Variants in ANKS1B observed in about 807,000 individuals in gnomAD.
The protein encoded by ANKS1B is ankyrin repeat and sterile alpha motif domain containing 1B.
Under a neutral mutation model 148.3 loss-of-function variants are expected in ANKS1B, and 36 were observed. That is an observed-to-expected ratio of 0.24 (90% CI 0.19 to 0.32). The LOEUF (loss-of-function observed/expected upper bound fraction) is 0.32. Ranked by LOEUF, ANKS1B falls within the 10% of genes least tolerant of loss-of-function variation. The pLI is 1.00. For synonymous variants in ANKS1B, 542 were observed against 560.8 expected (o/e 0.97, Z 0.47); for missense variants, 1,157 against 1,542.6 (o/e 0.75, Z 4.19).
intron 17 of ANKS1B, among the ~76,000 whole-genome samples, chr12:98,879,265 T>A (rs1162459319): frequency 1.3e-5 from 2 of 152,242 alleles, no homozygotes; most frequent in Non-Finnish European, 2.9e-5. Flanking sequence ...CAGAGGGCTA[T>A]CCATCTATGT....
intron 8 of ANKS1B, among the ~76,000 whole-genome samples, chr12:99,678,655 ATC>A (rs2098596287): frequency 2.6e-5 from 4 of 152,184 alleles, no homozygotes; most frequent in Non-Finnish European, 5.9e-5. Context: ...TTAAAAAAAA[ATC>A]TCTTTTTCTA....
At position 99,492,798 on chromosome 12, in the gene ANKS1B, A is replaced by C. The variant is rs540309974; in HGVS notation, c.1438+11678T>G. 2.0e-5 allele frequency among the ~76,000 whole-genome samples: 3 copies of C among 152,272 alleles called. No individual in the cohort carries two copies. The South Asian group carries it at 6.2e-4, about 32-fold the overall frequency. On this transcript the variant is annotated intron_variant, in intron 10 of 26. Transcript: ENST00000683438. The stretch of plus-strand genomic sequence containing the variant: ...ACATAAACAGAACTAAAGACAAAAA[A>C]CACATGATTATCTCAATAGATGCAG...
chr12:99,508,898 AT>A (rs1187473759), intron 9 of ANKS1B, among the ~76,000 whole-genome samples: 1 of 151,872 alleles, frequency 6.6e-6, no homozygotes, highest in East Asian at 1.9e-4. Flanking sequence ...AAAAATAAAG[AT>A]TTATGGCAAC....
downstream of ANKS1B, among the ~76,000 whole-genome samples, chr12:98,743,310 A>G (rs1232757403): frequency 6.6e-6 from 1 of 152,198 alleles, no homozygotes; most frequent in African/African-American, 2.4e-5. Context: ...TTATTAATGA[A>G]CTAACTAGGG....
At chr12:99,461,535 G>A (rs1282745106) in intron 10 of ANKS1B, among the ~76,000 whole-genome samples, 2 of 152,108 alleles carry the variant, frequency 1.3e-5, no homozygotes, top group Non-Finnish European at 2.9e-5. Context: ...GTAAATTCCA[G>A]TAGTATTCCT....
chr12:99,465,063 A>AG (rs1419213637), intron 10 of ANKS1B, among the ~76,000 whole-genome samples: 4 of 152,238 alleles, frequency 2.6e-5, no homozygotes, highest in African/African-American at 9.6e-5. Flanking sequence ...TTACCCACAA[A>AG]GGGAAGCCCA....
intron 8 of ANKS1B, among the ~76,000 whole-genome samples, chr12:99,726,545 T>C (rs1482282792): frequency 1.3e-5 from 2 of 152,174 alleles, no homozygotes; most frequent in Admixed American, 6.5e-5. Flanking sequence ...AGCCAAATTC[T>C]ACCAGCCAAA....
In ANKS1B at chr12:98,945,975, T is replaced by C. The variant is rs374705380; in HGVS notation, c.2778+107182A>G. Among the ~76,000 whole-genome samples the C allele has an allele frequency of 3.3e-5, 5 of 152,290 alleles. No individual in the cohort carries two copies. The East Asian group carries it at 7.7e-4, about 24-fold the overall frequency. ...GCATGGACACTGGGTTTGCCTCCTC[T>C]CCATCCACCTTCTCCATCCCCTTTT... On this transcript the variant is annotated intron_variant, in intron 17 of 26. Coordinates refer to ENST00000683438, the MANE Select transcript of ANKS1B (RefSeq NM_001352186.2).
In ANKS1B at chr12:99,678,086, T is replaced by C. The variant is rs1206732770; in HGVS notation, c.1129-22876A>G. 3.3e-5 allele frequency among the ~76,000 whole-genome samples: 5 copies of C among 152,350 alleles called. No homozygotes were observed. In the East Asian group the frequency reaches 9.6e-4, roughly 29 times the overall value. ...TGGCATGCTCCATTCATTACTCTGT[T>C]GTGGTGTACCTTACGAGAGACAACC... On this transcript the variant is annotated intron_variant, in intron 8 of 26. Coordinates refer to ENST00000683438, the MANE Select transcript of ANKS1B (RefSeq NM_001352186.2).
intron 14 of ANKS1B, among the ~76,000 whole-genome samples, chr12:99,243,838 G>A (rs2089799454): frequency 6.6e-6 from 1 of 152,090 alleles, no homozygotes; most frequent in Non-Finnish European, 1.5e-5. Context: ...ATGGACACAG[G>A]GTGGGGAACA....
In ANKS1B at chr12:99,200,362, G is replaced by T. The variant is rs547517502; in HGVS notation, c.2419+43980C>A. Among the ~76,000 whole-genome samples, 5 of 152,192 alleles carry T rather than the reference G, an allele frequency of 3.3e-5. 1 individual carries two copies. In the South Asian group the frequency reaches 6.2e-4, roughly 19 times the overall value. ...GTTTACAGGTTAATTAGCGCATTTT[G>T]CAGCCTTGCCATAAATCTGCTTCCA... On this transcript the variant is annotated intron_variant, in intron 14 of 26. Coordinates refer to ENST00000683438, the MANE Select transcript of ANKS1B (RefSeq NM_001352186.2).
chr12:99,713,542 G>A (rs1390896337), intron 8 of ANKS1B, among the ~76,000 whole-genome samples: 1 of 152,108 alleles, frequency 6.6e-6, no homozygotes, highest in Non-Finnish European at 1.5e-5. Flanking sequence ...CCACGCTCAT[G>A]GCTTAGAAAT....
chr12:99,573,890 C>T (rs78055276), intron 9 of ANKS1B, among the ~76,000 whole-genome samples: 8,116 of 151,660 alleles, frequency 0.054, 314 homozygotes, highest in East Asian at 0.21. Flanking sequence ...ATCAGGACTT[C>T]GCTACTCAAA....
intron 17 of ANKS1B, among the ~76,000 whole-genome samples, chr12:98,838,892 T>A (rs549736321): frequency 1.3e-5 from 2 of 152,096 alleles, no homozygotes; most frequent in Non-Finnish European, 2.9e-5. Context: ...TTGTCAAAGT[T>A]TTCCCCCCTG....
At chr12:99,608,410 G>C (rs1051330172) in intron 9 of ANKS1B, among the ~76,000 whole-genome samples, 1 of 152,084 alleles carries the variant, frequency 6.6e-6, no homozygotes, top group Admixed American at 6.6e-5. Flanking sequence ...AAGAAACAAA[G>C]AGGATGGAAA....
intron 9 of ANKS1B, among the ~76,000 whole-genome samples, chr12:99,505,746 T>G (rs1051474146): frequency 2.0e-5 from 3 of 151,456 alleles, no homozygotes; most frequent in Non-Finnish European, 4.4e-5. Flanking sequence ...ACTGTGAAAT[T>G]CTGCATGATG....
chr12:98,930,658 G>A (rs1472190163), intron 17 of ANKS1B, among the ~76,000 whole-genome samples: 1 of 147,672 alleles, frequency 6.8e-6, no homozygotes, highest in Non-Finnish European at 1.5e-5. Flanking sequence ...CACTCTAATT[G>A]AAAAAAACTA....
In ANKS1B at chr12:99,153,380, T is replaced by C. The variant is rs78914289; in HGVS notation, c.2526+909A>G. On this transcript the variant is annotated intron_variant, in intron 15 of 26. Coordinates refer to ENST00000683438, the MANE Select transcript of ANKS1B (RefSeq NM_001352186.2). ...TTGTGTGTTACATGCCTGTGTTATG[T>C]AGGTCTCTCTAAACTTAGGGATCAG... Among the ~76,000 whole-genome samples the C allele has an allele frequency of 3.2e-3, 484 of 152,282 alleles. 2 individuals are homozygous for C. Among genetic ancestry groups the C allele is most frequent in the Non-Finnish European group, 5.8e-3 (393 of 68,018 alleles).
At chr12:99,186,275 C>A (rs570721514) in intron 14 of ANKS1B, among the ~76,000 whole-genome samples, 2 of 152,294 alleles carry the variant, frequency 1.3e-5, no homozygotes, top group African/African-American at 4.8e-5. Flanking sequence ...CTTCCTGGGA[C>A]AGAGCACCTG....
Sources: gnomAD v4.1 joint callset for allele counts (sites outside exome capture counted in the v4.1 genomes callset) on GRCh38, gnomAD v4.1.1 for gene constraint, MANE v1.5 for transcripts, NCBI Gene and HGNC (gene_info 2026-07-23, HGNC 2026-07-21) for gene names.